The following SPOCK3 variants were observed in gnomAD, a reference collection of about 807,000 sequenced individuals.
SPOCK3 encodes testican-3.
Under a neutral mutation model 56.6 loss-of-function variants are expected in SPOCK3, and 30 were observed. The ratio of observed to expected loss-of-function variants is 0.53; its 90% CI spans 0.40 to 0.72. The LOEUF is 0.72. SPOCK3 is among the 30% of genes least tolerant of loss of function. The pLI, the probability that SPOCK3 is intolerant of heterozygous loss-of-function variation, is 0.00. For synonymous variants in SPOCK3, 196 were observed against 183.3 expected, an observed-to-expected ratio of 1.07 and a Z score of -0.56; for missense variants, 527 against 530.0, an observed-to-expected ratio of 0.99 and a Z score of 0.06.
chr4:167,215,285 C>T (rs945546788), intron 2 of SPOCK3, among the ~76,000 whole-genome samples: 10 of 152,012 alleles, frequency 6.6e-5, no homozygotes, highest in Non-Finnish European at 2.9e-5. Context: ...TTCACTTACC[C>T]ATATTTGAAT....
intron 6 of SPOCK3, among the ~76,000 whole-genome samples, chr4:166,800,579 C>A (rs570318561): frequency 5.1e-4 from 77 of 150,910 alleles, no homozygotes; most frequent in Non-Finnish European, 7.5e-4. Flanking sequence ...TCAGGTTTAT[C>A]AAAAAAATGT....
intron 9 of SPOCK3, 65 bp from the exon 10 acceptor site, chr4:166,737,669 T>C: frequency 6.6e-7 from 1 of 1,512,136 alleles, no homozygotes; most frequent in Non-Finnish European, 8.9e-7. Flanking sequence ...TGTGCTCCTT[T>C]CTGAGAAGCA....
intron 2 of SPOCK3, among the ~76,000 whole-genome samples, chr4:167,108,296 G>A (rs78620129): frequency 1.3e-5 from 2 of 151,758 alleles, no homozygotes; most frequent in African/African-American, 4.8e-5. Flanking sequence ...CAGCAATCCC[G>A]CTGCTAGGTA....
intron 6 of SPOCK3, among the ~76,000 whole-genome samples, chr4:166,887,195 C>T (rs1036688034): frequency 1.3e-5 from 2 of 152,148 alleles, no homozygotes; most frequent in African/African-American, 4.8e-5. Flanking sequence ...CATAGAGTTC[C>T]TTTTGCAGCT....
intron 5 of SPOCK3, among the ~76,000 whole-genome samples, chr4:166,897,119 A>G (rs1735477902): frequency 6.6e-6 from 1 of 152,104 alleles, no homozygotes; most frequent in Admixed American, 6.5e-5. Flanking sequence ...CCATGATTGG[A>G]ACTATTGTAT....
At chr4:166,741,970 C>A (rs930191923) in intron 9 of SPOCK3, 27 bp downstream of exon 9, 7 of 1,529,764 alleles carry the variant, frequency 4.6e-6, no homozygotes, top group Non-Finnish European at 6.3e-6. Context: ...AGCAATAAAG[C>A]CTTCAGAAGA....
rs941239837 is a variant in SPOCK3, at chr4:167,000,410, C to G, written c.289G>C (p.Val97Leu). Residue 97 changes from valine (V) to leucine (L), a missense_variant, in exon 4 of 11, where the codon GTA (valine) becomes CTA (leucine). Coordinates refer to ENST00000357545, the MANE Select transcript of SPOCK3 (RefSeq NM_001040159.2). ...CLKMKCSRHKVCIAQDSQTAV... is the reference protein window; with the variant it reads ...CLKMKCSRHKLCIAQDSQTAV... ...GTCTGAGAATCTTGAGCAATGCATA[C>G]TTTATGGCGACTACATTTCATCTTT... 8 of 1,609,244 alleles carry G rather than the reference C, an allele frequency of 5.0e-6. No individual in the cohort carries two copies. The highest frequency in any genetic ancestry group is 6.8e-6 in the Non-Finnish European group (8 of 1,177,484).
At chr4:167,119,814 T>G (rs987072006) in intron 2 of SPOCK3, 2 of 1,534,604 alleles carry the variant, frequency 1.3e-6, no homozygotes, top group Non-Finnish European at 1.7e-6. Flanking sequence ...CCAGAAGACA[T>G]GTGGATGTGA....
chr4:167,227,298 A>G (rs1736689795), intron 2 of SPOCK3, among the ~76,000 whole-genome samples: 1 of 152,168 alleles, frequency 6.6e-6, no homozygotes, highest in South Asian at 2.1e-4. Flanking sequence ...CAATACTTAT[A>G]ACTTTATATT....
At chr4:167,142,326 T>C (rs1349682775) in intron 2 of SPOCK3, among the ~76,000 whole-genome samples, 1 of 151,796 alleles carries the variant, frequency 6.6e-6, no homozygotes, top group Non-Finnish European at 1.5e-5. Context: ...TAAGGCATAA[T>C]AGGTTGATGC....
At chr4:166,875,551 T>C (rs144143328) in intron 6 of SPOCK3, among the ~76,000 whole-genome samples, 1,715 of 152,286 alleles carry the variant, frequency 0.011, 43 homozygotes, top group African/African-American at 0.038. Flanking sequence ...TGTCTGATAT[T>C]GAAGCTCCTA....
intron 4 of SPOCK3, among the ~76,000 whole-genome samples, chr4:166,975,869 AG>A (rs1390306240): frequency 1.3e-5 from 2 of 152,118 alleles, no homozygotes; most frequent in African/African-American, 2.4e-5. Context: ...ATGGCTTACT[AG>A]TACTCTATTG....
intron 4 of SPOCK3, among the ~76,000 whole-genome samples, chr4:166,983,409 T>C (rs10007952): frequency 0.012 from 1,836 of 152,232 alleles, 38 homozygotes; most frequent in African/African-American, 0.042. Flanking sequence ...TTAGCTTCTA[T>C]GTATTAGTGA....
intron 6 of SPOCK3, among the ~76,000 whole-genome samples, chr4:166,872,427 G>A (rs557882527): frequency 2.0e-5 from 3 of 151,960 alleles, no homozygotes; most frequent in South Asian, 2.1e-4. Context: ...AACTCAAGAC[G>A]GAAAAACAAA....
At chr4:166,985,181 G>T (rs1747011323) in intron 4 of SPOCK3, among the ~76,000 whole-genome samples, 1 of 152,030 alleles carries the variant, frequency 6.6e-6, no homozygotes, top group African/African-American at 2.4e-5. Flanking sequence ...TTCTTACAGG[G>T]TACCTTTGGA....
At chr4:166,860,766 CACAGG>C (rs1462958720) in intron 6 of SPOCK3, among the ~76,000 whole-genome samples, 2 of 101,576 alleles carry the variant, frequency 2.0e-5, no homozygotes, top group East Asian at 1.1e-3. Context: ...TCACTCAGAA[CACAGG>C]AAAACACACG....
At chr4:166,833,865 T>G (rs1313841056) in intron 6 of SPOCK3, among the ~76,000 whole-genome samples, 1 of 152,188 alleles carries the variant, frequency 6.6e-6, no homozygotes, top group Non-Finnish European at 1.5e-5. Context: ...TCATGTCACC[T>G]GCCCCCTCTT....
chr4:166,767,086 T>G (rs1430431533), intron 7 of SPOCK3, among the ~76,000 whole-genome samples: 1 of 152,196 alleles, frequency 6.6e-6, no homozygotes, highest in Non-Finnish European at 1.5e-5. Context: ...TCTTTTCTTC[T>G]TTATTACTCT....
At chr4:166,799,023 T>C (rs1742266210) in intron 6 of SPOCK3, among the ~76,000 whole-genome samples, 1 of 152,192 alleles carries the variant, frequency 6.6e-6, no homozygotes, top group South Asian at 2.1e-4. Flanking sequence ...TGCCAAGATT[T>C]TTTAAGGATG....
Sources: allele counts gnomAD v4.1 joint callset (sites outside exome capture counted in the v4.1 genomes callset), GRCh38; gene constraint gnomAD v4.1.1; transcripts MANE v1.5; gene names NCBI Gene and HGNC (gene_info 2026-07-23, HGNC 2026-07-21).